Variants in DVL1 observed in about 807,000 individuals in gnomAD.
DVL1 encodes dishevelled segment polarity protein 1.
In DVL1, 49 loss-of-function variants were observed where a neutral mutation model predicts 65.0. The observed-to-expected ratio is 0.75, with a 90% CI of 0.60 to 0.96. The LOEUF is 0.96. Ranked by LOEUF, DVL1 falls within the 40% of genes least tolerant of loss-of-function variation. The pLI is 0.00. For missense variants in DVL1, 1,197 were observed against 1,045.4 expected (o/e 1.15, Z -2.00); for synonymous variants, 608 against 433.9 (o/e 1.40, Z -4.99).
At position 1,336,179 on chromosome 1, in the gene DVL1, A is replaced by G. The variant is rs1416683906; in HGVS notation, c.2051T>C (p.Met684Thr). 3 of 1,573,592 alleles carry G rather than the reference A, an allele frequency of 1.9e-6. No homozygotes were observed. The highest frequency in any genetic ancestry group is 1.7e-6 in the Non-Finnish European group (2 of 1,165,478). ...CACGAAGAACTCGCAGGGGTTCCCC[A>G]TAGCCTTCTGGAAGGACTGGCGGCT... ...TGSRQSFQKA[M>T]GNPCEFFVDI... The change falls in exon 15 of 15, where the codon ATG becomes ACG. Residue 684 changes from methionine (M) to threonine (T), a missense_variant. Physicochemically the swap from Met to Thr is moderately conservative, Grantham distance 81 (BLOSUM62 -1). Coordinates refer to ENST00000378888, the MANE Select transcript of DVL1 (RefSeq NM_001330311.2).
At position 1,336,523 on chromosome 1, in the gene DVL1, T is replaced by A; in HGVS notation, c.1715-8A>T. ...ACCCACTGCTTTTGCTCCCTGGGAG[T>A]GAGAACAGGATGGGGAAGGAGCCTG... On this transcript the variant is annotated splice_region_variant and splice_polypyrimidine_tract_variant and intron_variant, in intron 14 of 14. Transcript: ENST00000378888. 1 of 1,502,930 alleles carries A rather than the reference T, an allele frequency of 6.7e-7. No individual in the cohort carries two copies. The highest frequency in any genetic ancestry group is 8.8e-7 in the Non-Finnish European group (1 of 1,135,072). The allele number at this position is 1,502,930 out of a possible 1,614,324, so 93.1% of individuals were successfully genotyped here.
At position 1,338,767 on chromosome 1, in the gene DVL1, C is replaced by T. The variant is rs1444452065; in HGVS notation, c.1208-114G>A. Reference sequence around the variant, plus strand: ...AGCCTGCGCCAGGGCGCAAGCTGGACGGTGCGTGACAGCAGGGCCCCGGCC... The same window carrying T: ...AGCCTGCGCCAGGGCGCAAGCTGGATGGTGCGTGACAGCAGGGCCCCGGCC... On this transcript the variant is annotated intron_variant, in intron 11 of 14. Coordinates refer to ENST00000378888, the MANE Select transcript of DVL1 (RefSeq NM_001330311.2). 37 of 1,448,336 alleles carry T rather than the reference C, an allele frequency of 2.6e-5. No homozygotes were observed. In the Admixed American group the frequency reaches 6.1e-4, roughly 24 times the overall value. 89.7% of individuals were successfully genotyped at this position (1,448,336 alleles called of 1,614,324 possible).
At chr1:1,341,306 GCACA>G (rs1231330249) in intron 5 of DVL1, among the ~76,000 whole-genome samples, 17 of 151,772 alleles carry the variant, frequency 1.1e-4, no homozygotes, top group Admixed American at 7.2e-4. Context: ...ACACATACAT[GCACA>G]CACAGACATG....
intron 5 of DVL1, 100 bp downstream of exon 5, chr1:1,341,567 C>T (rs559012928): frequency 7.4e-5 from 105 of 1,418,928 alleles, no homozygotes; most frequent in African/African-American, 2.9e-4. Context: ...CACGCACACA[C>T]GTGCAATGTG....
chr1:1,337,757 G>C lies in DVL1; in HGVS notation c.1714+220C>G, dbSNP rs946638140. 4 of 700,166 alleles carry C rather than the reference G, an allele frequency of 5.7e-6. No homozygotes were observed. In the African/African-American group the frequency reaches 7.0e-5, roughly 12 times the overall value. The allele number at this position is 700,166 out of a possible 1,614,324, so 43.4% of individuals were successfully genotyped here. On this transcript the variant is annotated intron_variant, in intron 14 of 14. Coordinates refer to ENST00000378888, the MANE Select transcript of DVL1 (RefSeq NM_001330311.2). Reference sequence around the variant, plus strand: ...TCACACTGGCTCCTGGATCCCCCTGGCACTTGCCTTTTCCAGAAGGAGCCC... The same window carrying C: ...TCACACTGGCTCCTGGATCCCCCTGCCACTTGCCTTTTCCAGAAGGAGCCC...
chr1:1,347,766 C>G (rs1304709266), intron 1 of DVL1, among the ~76,000 whole-genome samples: 1 of 152,164 alleles, frequency 6.6e-6, no homozygotes, highest in East Asian at 1.9e-4. Flanking sequence ...CCAACCTGAC[C>G]GGAGCGGGCA....
At chr1:1,339,481 CAG>C in intron 10 of DVL1, 42 bp from the exon 11 acceptor site, 2 of 1,541,854 alleles carry the variant, frequency 1.3e-6, no homozygotes, top group Non-Finnish European at 1.8e-6. Flanking sequence ...GACAGATGGA[CAG>C]GGTGGGAGGG....
At chr1:1,342,299 T>C (rs2100750689) in intron 3 of DVL1, 64 bp downstream of exon 3, 1 of 1,509,398 alleles carries the variant, frequency 6.6e-7, no homozygotes, top group Non-Finnish European at 8.9e-7. Flanking sequence ...CTCCCTCCCC[T>C]GTTGGCCAGC....
intron 8 of DVL1, 77 bp from the exon 9 acceptor site, chr1:1,339,889 C>T (rs1643727867): frequency 1.3e-6 from 2 of 1,577,898 alleles, no homozygotes; most frequent in Non-Finnish European, 1.7e-6. Context: ...CACCCACAGC[C>T]GCATGTCCCC....
chr1:1,336,134 G>T lies in DVL1; in HGVS notation c.*8C>A, dbSNP rs186463928. 1.9e-6 allele frequency: 3 copies of T among 1,572,512 alleles called. No individual in the cohort carries two copies. Among genetic ancestry groups the T allele is most frequent in the Non-Finnish European group, 2.6e-6 (3 of 1,166,350 alleles). On this transcript the variant is annotated 3_prime_UTR_variant, in exon 15 of 15. Coordinates refer to ENST00000378888, the MANE Select transcript of DVL1 (RefSeq NM_001330311.2). ...CACCTCAGGCAGGGCTGGGGCATGC[G>T]CCACGAGTCACATGATGTCCACGAA... is the stretch of plus-strand genomic sequence containing the variant.
At chr1:1,345,036 T>G (rs560048571) in intron 1 of DVL1, among the ~76,000 whole-genome samples, 1 of 149,982 alleles carries the variant, frequency 6.7e-6, no homozygotes, top group Non-Finnish European at 1.5e-5. Flanking sequence ...TCTGACTCAC[T>G]GGAGGGAGAC....
At chr1:1,341,583 A>G in intron 5 of DVL1, 84 bp downstream of exon 5, 1 of 1,374,102 alleles carries the variant, frequency 7.3e-7, no homozygotes, top group East Asian at 2.5e-5. Context: ...ATGTGAAAAC[A>G]CCTCATGCAG....
rs746715259 is a variant in DVL1, at chr1:1,338,023, C to G, written c.1668G>C (p.Pro556=). The G allele has an allele frequency of 1.9e-6, 3 of 1,611,944 alleles. No individual in the cohort carries two copies. The highest frequency in any genetic ancestry group is 1.3e-5 in the African/African-American group (1 of 74,982). ...PPCFPPAYQD[P]GFSYGSGSTG... is the part of the protein sequence containing the mutation. ...TGCTGCCGCTGCCATAGCTAAAGCC[C>G]GGGTCCTGGTAGGCAGGCGGGAAGC... Residue 556 remains proline, a synonymous_variant, in exon 14 of 15, where the codon CCG becomes CCC. Coordinates refer to ENST00000378888, the MANE Select transcript of DVL1 (RefSeq NM_001330311.2).
rs749297714 is a variant in DVL1 at position 1,336,492 on chromosome 1, G to T, written c.1738C>A (p.Arg580=). ...CGGCCCGGGGCCCGGCGGCTGCTCC[G>T]GGTGGACCCACTGCTTTTGCTCCCT... ...SEGSKSSGST[R]SSRRAPGREK... is the part of the protein sequence containing the mutation. The change falls in exon 15 of 15, where the codon CGG becomes AGG. Residue 580 remains arginine (R), a synonymous_variant. Transcript: ENST00000378888. 2 of 1,529,930 alleles carry T rather than the reference G, an allele frequency of 1.3e-6. No individual in the cohort carries two copies. The highest frequency in any genetic ancestry group is 2.3e-5 in the East Asian group (1 of 43,472). 94.8% of individuals were successfully genotyped at this position (1,529,930 alleles called of 1,614,324 possible). A position where few individuals can be genotyped will look rare whatever the true frequency, so the allele number is the denominator to read the frequency against.
intron 3 of DVL1, 51 bp from the exon 4 acceptor site, chr1:1,342,207 G>C: frequency 3.3e-6 from 5 of 1,516,582 alleles, no homozygotes; most frequent in Non-Finnish European, 4.4e-6. Context: ...CAGCCCCTCA[G>C]ATGCCGCCCA....
intron 8 of DVL1, 89 bp downstream of exon 8, chr1:1,339,949 T>TGTCCCCCCGCAGCCCCA: frequency 1.0e-5 from 4 of 399,698 alleles, no homozygotes; most frequent in Non-Finnish European, 1.5e-5. Context: ...CAGCAGCCCC[T>TGTCCCCCCGCAGCCCCA]ACAGACCCAC....
Position 1,340,391 on chromosome 1 carries a change from G to T in DVL1, c.699+19C>A, listed in dbSNP as rs1206159929. Reference sequence around the variant, plus strand: ...GACTTCGCCTCCCCAGCCCCGCCCTGCTCCACCCGGCTGCCTACCCGGTCC... The same window carrying T: ...GACTTCGCCTCCCCAGCCCCGCCCTTCTCCACCCGGCTGCCTACCCGGTCC... On this transcript the variant is annotated intron_variant, in intron 6 of 14. Coordinates refer to ENST00000378888, the MANE Select transcript of DVL1 (RefSeq NM_001330311.2). 6.2e-7 allele frequency: 1 copy of T among 1,611,806 alleles called. No homozygotes were observed. The highest frequency in any genetic ancestry group is 1.3e-5 in the African/African-American group (1 of 74,904).
Position 1,337,186 on chromosome 1 carries a change from C to T in DVL1, c.1715-671G>A, listed in dbSNP as rs573877493. 2.7e-4 allele frequency: 194 copies of T among 728,034 alleles called. No individual in the cohort carries two copies. In the South Asian group the frequency reaches 6.1e-3, roughly 23 times the overall value. 45.1% of individuals were successfully genotyped at this position (728,034 alleles called of 1,614,324 possible). A position where few individuals can be genotyped will look rare whatever the true frequency, so the allele number is the denominator to read the frequency against. On this transcript the variant is annotated intron_variant, in intron 14 of 14. Transcript: ENST00000378888. ...GGCTGAAGTGGGCGCAAGCGCCGGT[C>T]GAGGGTCAGTAGACACCCAGCGTGG...
chr1:1,343,750 T>A (rs1200095783), intron 1 of DVL1, among the ~76,000 whole-genome samples: 2 of 151,916 alleles, frequency 1.3e-5, no homozygotes, highest in Non-Finnish European at 1.5e-5. Flanking sequence ...GGCCCACAGG[T>A]CCCCAGAGGC....
Sources: allele counts gnomAD v4.1 joint callset (sites outside exome capture counted in the v4.1 genomes callset), GRCh38; gene constraint gnomAD v4.1.1; transcripts MANE v1.5; gene names NCBI Gene and HGNC (gene_info 2026-07-23, HGNC 2026-07-21).